DIS3L2: variants seen among roughly 807,000 people sequenced by gnomAD.
DIS3L2 encodes DIS3 like 3'-5' exoribonuclease 2.
DIS3L2 carries 34 observed loss-of-function variants against 97.5 expected under a neutral mutation model. The observed-to-expected ratio is 0.35, with a 90% CI of 0.27 to 0.46. The LOEUF (loss-of-function observed/expected upper bound fraction) is 0.46. DIS3L2 is among the 20% of genes least tolerant of loss of function. The probability of loss-of-function intolerance (pLI) is 1.00; values close to 1 mark genes in which losing one functional copy is unlikely to be tolerated. For synonymous variants in DIS3L2, 435 were observed against 445.2 expected (o/e 0.98, Z 0.29); for missense variants, 1,038 against 1,146.0 (o/e 0.91, Z 1.36).
At chr2:231,984,189 A>C (rs915125964) in intron 1 of DIS3L2, among the ~76,000 whole-genome samples, 2 of 151,898 alleles carry the variant, frequency 1.3e-5, no homozygotes, top group African/African-American at 2.4e-5. Context: ...TCCTATTCTT[A>C]AGTTAATAGG....
chr2:232,265,550 T>C (rs1693832320), intron 13 of DIS3L2, among the ~76,000 whole-genome samples: 1 of 151,918 alleles, frequency 6.6e-6, no homozygotes, highest in South Asian at 2.1e-4. Context: ...ACCAGGGGAG[T>C]GGTATGTGTA....
At chr2:232,225,996 A>T (rs1172082879) in intron 10 of DIS3L2, among the ~76,000 whole-genome samples, 1 of 152,208 alleles carries the variant, frequency 6.6e-6, no homozygotes, top group Non-Finnish European at 1.5e-5. Context: ...GAAATAGATT[A>T]GTAGTTGCCT....
chr2:231,989,777 G>A (rs1402918178), intron 1 of DIS3L2, among the ~76,000 whole-genome samples: 1 of 152,184 alleles, frequency 6.6e-6, no homozygotes, highest in Non-Finnish European at 1.5e-5. Context: ...TGAGGCTACA[G>A]TGAGCTGTGA....
chr2:232,330,437 G>A (rs1435147255), intron 15 of DIS3L2, among the ~76,000 whole-genome samples: 1 of 152,232 alleles, frequency 6.6e-6, no homozygotes, highest in Non-Finnish European at 1.5e-5. Flanking sequence ...ACCCTGGGAG[G>A]GGAAGGCAGG....
intron 1 of DIS3L2, among the ~76,000 whole-genome samples, chr2:231,998,373 T>C (rs894950502): frequency 6.6e-6 from 1 of 152,248 alleles, no homozygotes; most frequent in Non-Finnish European, 1.5e-5. Context: ...TGAGCCTTCA[T>C]GGCCAAATTC....
In DIS3L2 at chr2:232,169,343, C is replaced by CAT. The variant is rs139649728; in HGVS notation, c.1124+5725_1124+5726dup. 5.5e-3 allele frequency among the ~76,000 whole-genome samples: 825 copies of CAT among 149,924 alleles called. 9 individuals carry two copies. The highest frequency in any genetic ancestry group is 0.014 in the African/African-American group (564 of 40,986). On this transcript the variant is annotated intron_variant, in intron 9 of 20. Transcript: ENST00000325385. ...TATATGTCATATATGCCGTATATGT[C>CAT]ATATATATATATATACATATATGCC... is the stretch of plus-strand genomic sequence containing the variant.
intron 7 of DIS3L2, chr2:232,130,990 T>C: frequency 2.6e-6 from 1 of 387,668 alleles, no homozygotes; most frequent in Non-Finnish European, 4.5e-6. Flanking sequence ...TAAACCACAC[T>C]TGTAATGCAG....
intron 10 of DIS3L2, among the ~76,000 whole-genome samples, chr2:232,227,486 C>T (rs757884196): frequency 9.9e-5 from 15 of 152,116 alleles, no homozygotes; most frequent in Admixed American, 3.3e-4. Flanking sequence ...GTCAATATGC[C>T]GTTATTATGA....
intron 13 of DIS3L2, among the ~76,000 whole-genome samples, chr2:232,298,774 A>G (rs751010193): frequency 3.3e-5 from 5 of 152,244 alleles, no homozygotes; most frequent in Admixed American, 2.0e-4. Flanking sequence ...GTGAATTTAT[A>G]AACATAGTAG....
intron 9 of DIS3L2, chr2:232,198,792 G>A (rs1691821311): frequency 6.6e-6 from 1 of 152,200 alleles, no homozygotes; most frequent in Non-Finnish European, 1.5e-5. Context: ...CTAACTTCGT[G>A]GATTCTGGGC....
intron 5 of DIS3L2, among the ~76,000 whole-genome samples, chr2:232,060,848 A>G (rs1487383974): frequency 6.6e-6 from 1 of 152,074 alleles, no homozygotes; most frequent in Non-Finnish European, 1.5e-5. Context: ...GTGTTTTATA[A>G]TATTTATTGC....
chr2:232,206,339 CA>C (rs1393040392), intron 9 of DIS3L2, among the ~76,000 whole-genome samples: 1 of 152,242 alleles, frequency 6.6e-6, no homozygotes, highest in East Asian at 1.9e-4. Flanking sequence ...TGATCTAAAA[CA>C]GGGGTCAGCA....
At chr2:232,194,303 A>T (rs963150432) in intron 9 of DIS3L2, among the ~76,000 whole-genome samples, 2 of 152,056 alleles carry the variant, frequency 1.3e-5, no homozygotes, top group African/African-American at 2.4e-5. Context: ...GGAATTAAAA[A>T]TATGTATAAT....
intron 13 of DIS3L2, among the ~76,000 whole-genome samples, chr2:232,342,707 A>C (rs1696138922): frequency 1.3e-5 from 2 of 152,344 alleles, no homozygotes; most frequent in South Asian, 4.1e-4. Context: ...TCTTCTACTT[A>C]AAGCCTCAAG....
At chr2:232,124,175 T>G (rs1697988623) in intron 6 of DIS3L2, among the ~76,000 whole-genome samples, 1 of 152,090 alleles carries the variant, frequency 6.6e-6, no homozygotes, top group East Asian at 1.9e-4. Context: ...CTATTTGAAA[T>G]CAGACTTCAA....
At chr2:232,077,973 CTTTCTTTCTT>C (rs1280719899) in intron 5 of DIS3L2, among the ~76,000 whole-genome samples, 1 of 127,868 alleles carries the variant, frequency 7.8e-6, no homozygotes, top group Non-Finnish European at 1.6e-5. Flanking sequence ...TTCTTTCTTT[CTTTCTTTCTT>C]TCTTTCTTTC....
intron 9 of DIS3L2, among the ~76,000 whole-genome samples, chr2:232,185,068 G>T (rs1280992957): frequency 6.6e-6 from 1 of 152,078 alleles, no homozygotes; most frequent in Non-Finnish European, 1.5e-5. Flanking sequence ...CTCTCTGATG[G>T]GTAGCAAAGT....
intron 1 of DIS3L2, among the ~76,000 whole-genome samples, chr2:231,982,038 GA>G (rs34177735): frequency 2.7e-5 from 4 of 145,830 alleles, no homozygotes; most frequent in Non-Finnish European, 3.0e-5. Context: ...CTCTCAAAAA[GA>G]AAAAAAAAAA....
intron 1 of DIS3L2, among the ~76,000 whole-genome samples, chr2:231,998,487 A>G (rs1347146693): frequency 6.6e-6 from 1 of 152,174 alleles, no homozygotes; most frequent in Non-Finnish European, 1.5e-5. Context: ...TTCAAAACTG[A>G]CATGTTTTTC....
Sources: gnomAD v4.1 joint callset for allele counts (sites outside exome capture counted in the v4.1 genomes callset) on GRCh38, gnomAD v4.1.1 for gene constraint, MANE v1.5 for transcripts, NCBI Gene and HGNC (gene_info 2026-07-23, HGNC 2026-07-21) for gene names.